Variants in TPGS2 observed in about 807,000 individuals in gnomAD.
TPGS2 encodes tubulin polyglutamylase complex subunit 2, also known as polyglutamylase subunit 2.
A neutral mutation model predicts 31.1 loss-of-function variants in TPGS2; 26 were observed. The observed-to-expected ratio is 0.84, with a 90% CI of 0.61 to 1.16. TPGS2 has a LOEUF of 1.16. Among genes scored for constraint, TPGS2 ranks in the 50% most tolerant of loss-of-function variants. TPGS2 has a pLI of 0.00. For synonymous variants in TPGS2, 130 were observed against 136.6 expected (o/e 0.95, Z 0.34); for missense variants, 351 against 363.8 (o/e 0.96, Z 0.29).
chr18:36,791,366 A>G (rs1257193198), downstream of TPGS2, among the ~76,000 whole-genome samples: 2 of 152,170 alleles, frequency 1.3e-5, no homozygotes, highest in African/African-American at 4.8e-5. Flanking sequence ...CCAAAAGTTA[A>G]TTGAGTGGTA....
downstream of TPGS2, chr18:36,782,023 T>A: frequency 3.6e-6 from 3 of 829,988 alleles, no homozygotes; most frequent in Non-Finnish European, 4.4e-6. Flanking sequence ...TGTGAGAGTG[T>A]TCGCCTATTG....
chr18:36,785,291 CTG>C (rs2044102344), intron 6 of TPGS2, among the ~76,000 whole-genome samples: 1 of 152,032 alleles, frequency 6.6e-6, no homozygotes, highest in African/African-American at 2.4e-5. Context: ...GAGTGAAACT[CTG>C]TCTCAAAAAA....
Position 36,798,616 on chromosome 18 carries a change from T to C in TPGS2, c.497-7A>G, listed in dbSNP as rs1436670334. ...TCAGTGTCTTCTGCTAATGCTGAAG[T>C]AGAAGACAAAGGAAGTAAAAGATAA... is the stretch of plus-strand genomic sequence containing the variant. On this transcript the variant is annotated splice_polypyrimidine_tract_variant and splice_region_variant and intron_variant, in intron 5 of 6. Coordinates refer to ENST00000334295, the MANE Select transcript of TPGS2 (RefSeq NM_015476.4). The C allele has an allele frequency of 3.7e-6, 6 of 1,611,104 alleles. No homozygotes were observed. Among genetic ancestry groups the C allele is most frequent in the African/African-American group, 1.3e-5 (1 of 74,884 alleles).
In TPGS2 at chr18:36,795,123, G is replaced by GA; in HGVS notation, c.*1681dup. The GA allele has an allele frequency of 1.0e-6, 1 of 985,426 alleles. No homozygotes were observed. Among genetic ancestry groups the GA allele is most frequent in the Non-Finnish European group, 1.2e-6 (1 of 829,940 alleles). The allele number at this position is 985,426 out of a possible 1,614,324, so 61.0% of individuals were successfully genotyped here. On this transcript the variant is annotated 3_prime_UTR_variant, in exon 7 of 7. Transcript: ENST00000334295. ...ACCTTGGTTTTCCTCAGGGGCTATG[G>GA]AAAGTGGTAGGTGGAGGAGATATCG...
intron 4 of TPGS2, among the ~76,000 whole-genome samples, chr18:36,802,582 T>G (rs941622389): frequency 6.6e-6 from 1 of 152,186 alleles, no homozygotes; most frequent in African/African-American, 2.4e-5. Context: ...AGCATATCGT[T>G]TTGTACTCTG....
chr18:36,802,974 A>G (rs1006991907), intron 4 of TPGS2, among the ~76,000 whole-genome samples: 1 of 151,804 alleles, frequency 6.6e-6, no homozygotes, highest in African/African-American at 2.4e-5. Flanking sequence ...TTTTTAATTG[A>G]CAATTATTTT....
At chr18:36,823,253 C>G (rs1355478659) in intron 1 of TPGS2, among the ~76,000 whole-genome samples, 1 of 152,166 alleles carries the variant, frequency 6.6e-6, no homozygotes, top group Non-Finnish European at 1.5e-5. Context: ...ATCTTGGAAA[C>G]TCATTCCTGT....
rs74620750 is a variant in TPGS2, at chr18:36,818,183, C to T, written c.165+711G>A. Among the ~76,000 whole-genome samples the T allele has an allele frequency of 7.7e-3, 1,169 of 152,218 alleles. 14 individuals carry two copies. The highest frequency in any genetic ancestry group is 0.027 in the African/African-American group (1,109 of 41,544). The stretch of plus-strand genomic sequence containing the variant: ...TCCTAGATCCCATCTACCTGGTTAA[C>T]AATTTCTTATTGCTTCTTTGGGAAA... On this transcript the variant is annotated intron_variant, in intron 2 of 6. Coordinates refer to ENST00000334295, the MANE Select transcript of TPGS2 (RefSeq NM_015476.4).
At chr18:36,788,122 G>C (rs2044186652) in intron 6 of TPGS2, among the ~76,000 whole-genome samples, 2 of 152,154 alleles carry the variant, frequency 1.3e-5, no homozygotes, top group African/African-American at 2.4e-5. Context: ...TTCTGTTTCT[G>C]ATATTATATT....
intron 1 of TPGS2, among the ~76,000 whole-genome samples, chr18:36,825,376 G>A (rs552013147): frequency 5.4e-5 from 8 of 148,214 alleles, no homozygotes; most frequent in African/African-American, 1.0e-4. Flanking sequence ...AGCTTGCAGC[G>A]AGTGAAGAGC....
Position 36,821,155 on chromosome 18 carries a change from G to A in TPGS2, c.86-2182C>T, listed in dbSNP as rs563064932. On this transcript the variant is annotated intron_variant, in intron 1 of 6. Transcript: ENST00000334295. ...CTATAAAATATTGTGAAAAAATGGTGTACCAGTTTTGGACTTAAAATTTAA... is the reference window on the plus strand; with the variant it reads ...CTATAAAATATTGTGAAAAAATGGTATACCAGTTTTGGACTTAAAATTTAA... The A allele has an allele frequency of 2.6e-5, 4 of 152,274 alleles. No individual in the cohort carries two copies. In the East Asian group the frequency reaches 7.7e-4, roughly 29 times the overall value. 9.4% of individuals were successfully genotyped at this position (152,274 alleles called of 1,614,324 possible).
chr18:36,791,902 T>A (rs566180186), downstream of TPGS2, among the ~76,000 whole-genome samples: 1 of 151,858 alleles, frequency 6.6e-6, no homozygotes, highest in Non-Finnish European at 1.5e-5. Context: ...AGGTGGCGTG[T>A]GCCTCTGGTC....
intron 1 of TPGS2, chr18:36,823,779 C>T (rs1171295246): frequency 2.1e-6 from 2 of 974,620 alleles, no homozygotes; most frequent in Non-Finnish European, 2.4e-6. Flanking sequence ...TTTTAAAGGG[C>T]TTATGTGATT....
rs766740962 is a variant in TPGS2 at position 36,795,050 on chromosome 18, G to T, written c.*1755C>A. On this transcript the variant is annotated 3_prime_UTR_variant, in exon 7 of 7. Coordinates refer to ENST00000334295, the MANE Select transcript of TPGS2 (RefSeq NM_015476.4). ...AGACTTTGAACTATTACAAATATGG[G>T]GAAGCAGCCAGTTAGAGCTTGCCCT... 4.2e-5 allele frequency: 41 copies of T among 985,242 alleles called. No homozygotes were observed. The highest frequency in any genetic ancestry group is 4.9e-5 in the Non-Finnish European group (41 of 829,922). 61.0% of individuals were successfully genotyped at this position (985,242 alleles called of 1,614,324 possible). A position where few individuals can be genotyped will look rare whatever the true frequency, so the allele number is the denominator to read the frequency against.
chr18:36,798,532 A>C lies in TPGS2; in HGVS notation c.574T>G (p.Tyr192Asp), dbSNP rs2044644179. Residue 192 changes from tyrosine (Y) to aspartate (D), a missense_variant, in exon 6 of 7, where the codon TAT (tyrosine) becomes GAT (aspartate). Coordinates refer to ENST00000334295, the MANE Select transcript of TPGS2 (RefSeq NM_015476.4). ...WHFLTDTFTA[Y>D]YRLLITHLGL... ...AGGTGGGTGATGAGCAGGCGGTAATAGGCAGTAAAGGTGTCTGTGAGAAAA... is the reference window on the plus strand; with the variant it reads ...AGGTGGGTGATGAGCAGGCGGTAATCGGCAGTAAAGGTGTCTGTGAGAAAA... The C allele has an allele frequency of 6.2e-7, 1 of 1,614,116 alleles. No homozygotes were observed. The highest frequency in any genetic ancestry group is 1.7e-5 in the Admixed American group (1 of 60,008).
intron 2 of TPGS2, among the ~76,000 whole-genome samples, chr18:36,816,766 G>A (rs1456277484): frequency 6.6e-6 from 1 of 152,080 alleles, no homozygotes; most frequent in Non-Finnish European, 1.5e-5. Flanking sequence ...GCACCATCAC[G>A]CCCGGCTAAT....
chr18:36,798,427 A>G, intron 6 of TPGS2, 22 bp downstream of exon 6: 2 of 1,614,008 alleles, frequency 1.2e-6, no homozygotes, highest in Non-Finnish European at 1.7e-6. Flanking sequence ...ATAGTTTACA[A>G]TGGCAGGTGT....
intron 6 of TPGS2, chr18:36,786,841 G>A (rs2044143018): frequency 1.6e-6 from 2 of 1,234,340 alleles, no homozygotes; most frequent in Non-Finnish European, 2.0e-6. Context: ...ACACCTAACA[G>A]TGAAAAATAG....
At chr18:36,815,270 G>T (rs2045601776) in intron 2 of TPGS2, among the ~76,000 whole-genome samples, 1 of 152,206 alleles carries the variant, frequency 6.6e-6, no homozygotes, top group Non-Finnish European at 1.5e-5. Context: ...GGGTGAGAAA[G>T]TGAGACAAGC....
Sources: gnomAD v4.1 joint callset for allele counts (sites outside exome capture counted in the v4.1 genomes callset) on GRCh38, gnomAD v4.1.1 for gene constraint, MANE v1.5 for transcripts, NCBI Gene and HGNC (gene_info 2026-07-23, HGNC 2026-07-21) for gene names.